ADARB1: variants seen among roughly 807,000 people sequenced by gnomAD.
ADARB1 encodes the protein adenosine deaminase RNA specific B1.
A neutral mutation model predicts 52.4 loss-of-function variants in ADARB1; 10 were observed. The ratio of observed to expected loss-of-function variants is 0.19; its 90% CI spans 0.12 to 0.32. The LOEUF (loss-of-function observed/expected upper bound fraction) is 0.32. Ranked by LOEUF, ADARB1 falls within the 10% of genes least tolerant of loss-of-function variation. The pLI is 1.00. For missense variants in ADARB1, 643 were observed against 922.3 expected, an observed-to-expected ratio of 0.70 and a Z score of 3.92; for synonymous variants, 349 against 371.1, an observed-to-expected ratio of 0.94 and a Z score of 0.68.
chr21:45,120,454 G>C lies in ADARB1; in HGVS notation c.-219-7948G>C, dbSNP rs146938675. Among the ~76,000 whole-genome samples, 531 of 152,322 alleles carry C rather than the reference G, an allele frequency of 3.5e-3. 2 individuals carry two copies. Among genetic ancestry groups the C allele is most frequent in the African/African-American group, 0.012 (499 of 41,582 alleles). On this transcript the variant is annotated intron_variant, in intron 1 of 10. Coordinates refer to ENST00000348831, the MANE Select transcript of ADARB1 (RefSeq NM_001112.4). ...GATTGAATGCCTGCTCTGGAGAGGA[G>C]TGTGAAGCTGCACTTCTTCCGTCTC... is the stretch of plus-strand genomic sequence containing the variant.
In ADARB1 at chr21:45,202,154, G is replaced by A. The variant is rs575135683; in HGVS notation, c.1566-2401G>A. Among the ~76,000 whole-genome samples, 315 of 152,312 alleles carry A rather than the reference G, an allele frequency of 2.1e-3. 2 individuals carry two copies. Among genetic ancestry groups the A allele is most frequent in the African/African-American group, 6.8e-3 (281 of 41,558 alleles). ...GGTCAAGAGGAGAGGGCTTGGGGCA[G>A]GCACCGGGTTCCCCTTAGGAGAGGG... On this transcript the variant is annotated intron_variant, in intron 8 of 10. Transcript: ENST00000348831.
chr21:45,096,410 CG>C (rs2086763580), intron 1 of ADARB1, among the ~76,000 whole-genome samples: 1 of 152,246 alleles, frequency 6.6e-6, no homozygotes, highest in South Asian at 2.1e-4. Flanking sequence ...CCAGCTGTGC[CG>C]GCCCTGCCTG....
chr21:45,172,952 G>A lies in ADARB1; in HGVS notation c.28+1268G>A, dbSNP rs2091546523. On this transcript the variant is annotated intron_variant, in intron 3 of 10. Coordinates refer to ENST00000348831, the MANE Select transcript of ADARB1 (RefSeq NM_001112.4). The surrounding 1 kb of genome is among the most constrained non-coding windows in gnomAD (Gnocchi z 4.4). ...CAAGTTTGTGACAAGTTTTAAGAGA[G>A]AGGTTACGTCCATACTCCTCATTTG... 6.6e-6 allele frequency among the ~76,000 whole-genome samples: 1 copy of A among 152,234 alleles called. No individual in the cohort carries two copies. Among genetic ancestry groups the A allele is most frequent in the South Asian group, 2.1e-4 (1 of 4,834 alleles).
chr21:45,106,530 G>A (rs2087265860), intron 1 of ADARB1, among the ~76,000 whole-genome samples: 1 of 152,140 alleles, frequency 6.6e-6, no homozygotes, highest in Non-Finnish European at 1.5e-5. Context: ...ACAGGCCTTG[G>A]GGCTTTTAGC....
intron 1 of ADARB1, among the ~76,000 whole-genome samples, chr21:45,122,687 C>T (rs2088273294): frequency 6.6e-6 from 1 of 152,140 alleles, no homozygotes; most frequent in African/African-American, 2.4e-5. Context: ...CCCCATCCAC[C>T]CTTTCAGGTG....
At chr21:45,119,489 T>A (rs1259186954) in intron 1 of ADARB1, among the ~76,000 whole-genome samples, 1 of 152,216 alleles carries the variant, frequency 6.6e-6, no homozygotes. Context: ...TATCAAAGAA[T>A]CGGGATGAAA....
intron 3 of ADARB1, among the ~76,000 whole-genome samples, chr21:45,175,372 G>A (rs1456044504): frequency 2.0e-5 from 3 of 151,990 alleles, no homozygotes; most frequent in African/African-American, 4.8e-5. Context: ...TTAATGTAAG[G>A]TCTTTCTGGA....
At position 45,090,571 on chromosome 21, in the gene ADARB1, T is replaced by C. The variant is rs550840834; in HGVS notation, c.-220+15778T>C. 8.0e-4 allele frequency among the ~76,000 whole-genome samples: 121 copies of C among 152,120 alleles called. 1 individual carries two copies. The highest frequency in any genetic ancestry group is 2.9e-3 in the African/African-American group (119 of 41,522). On this transcript the variant is annotated intron_variant, in intron 1 of 10. Transcript: ENST00000348831. Reference sequence around the variant, plus strand: ...TACAAAATTCCTGAAAATGTGACAGTCTTCTCTCATGAACAGGTATAAGTA... The same window carrying C: ...TACAAAATTCCTGAAAATGTGACAGCCTTCTCTCATGAACAGGTATAAGTA...
chr21:45,118,509 T>C (rs1282832057), intron 1 of ADARB1: 1 of 152,258 alleles, frequency 6.6e-6, no homozygotes, highest in East Asian at 1.9e-4. Flanking sequence ...TCTAGAATTC[T>C]AGGATCGTAT....
intron 7 of ADARB1, chr21:45,184,420 TTA>T (rs569712379): frequency 1.5e-3 from 292 of 196,282 alleles, no homozygotes; most frequent in South Asian, 6.2e-3. Context: ...TTTGTTTGTG[TTA>T]TGTCCTTCCT....
At chr21:45,078,686 A>T (rs1046839118) in intron 1 of ADARB1, among the ~76,000 whole-genome samples, 6 of 152,238 alleles carry the variant, frequency 3.9e-5, no homozygotes, top group African/African-American at 1.4e-4. Flanking sequence ...GGAGAGCTGC[A>T]TCTTGGAGCA....
chr21:45,131,817 T>TACA (rs902389265), intron 2 of ADARB1, among the ~76,000 whole-genome samples: 16 of 152,364 alleles, frequency 1.1e-4, no homozygotes, highest in African/African-American at 3.4e-4. Context: ...ATTCAAGGCT[T>TACA]ACACAGCGTG....
intron 1 of ADARB1, among the ~76,000 whole-genome samples, chr21:45,082,694 GAGTTTAATCT>G (rs1320674537): frequency 6.6e-6 from 1 of 152,154 alleles, no homozygotes; most frequent in Non-Finnish European, 1.5e-5. Flanking sequence ...ATGGTAAAGT[GAGTTTAATCT>G]AGTTTAATCC....
chr21:45,215,083 T>C (rs2146422668), intron 9 of ADARB1, among the ~76,000 whole-genome samples: 1 of 152,294 alleles, frequency 6.6e-6, no homozygotes, highest in East Asian at 1.9e-4. Flanking sequence ...GGTCTCACTC[T>C]TTCACCCAGG....
intron 2 of ADARB1, among the ~76,000 whole-genome samples, chr21:45,152,950 T>G (rs1234222205): frequency 6.6e-6 from 1 of 152,252 alleles, no homozygotes; most frequent in African/African-American, 2.4e-5. Flanking sequence ...CTTCAGAGTC[T>G]GGAGTATGTC....
In ADARB1 at chr21:45,176,966, C is replaced by G. The variant is rs1028222245; in HGVS notation, c.963+302C>G. On this transcript the variant is annotated intron_variant, in intron 4 of 10. Coordinates refer to ENST00000348831, the MANE Select transcript of ADARB1 (RefSeq NM_001112.4). The surrounding 1 kb of genome is among the most constrained non-coding windows in gnomAD (Gnocchi z 5.8). Reference sequence around the variant, plus strand: ...ACTCCCTTCCCGTTAGGCAACCCCCCCCATGACCCTCATCCCACAGCAAGC... The same window carrying G: ...ACTCCCTTCCCGTTAGGCAACCCCCGCCATGACCCTCATCCCACAGCAAGC... 1.0e-4 allele frequency: 33 copies of G among 315,500 alleles called. No individual in the cohort carries two copies. The highest frequency in any genetic ancestry group is 1.8e-4 in the Non-Finnish European group (31 of 171,650). The allele number at this position is 315,500 out of a possible 1,614,324, so 19.5% of individuals were successfully genotyped here.
chr21:45,091,423 T>C lies in ADARB1; in HGVS notation c.-220+16630T>C, dbSNP rs967519473. On this transcript the variant is annotated intron_variant, in intron 1 of 10. Transcript: ENST00000348831. ...AGAAAGGTTAATGATGAAAGTGTTG[T>C]AATACTACAGTTTGGTGAAATGGCA... Among the ~76,000 whole-genome samples the C allele has an allele frequency of 2.6e-5, 4 of 152,238 alleles. No homozygotes were observed. In the East Asian group the frequency reaches 5.8e-4, roughly 22 times the overall value.
At chr21:45,154,364 T>C (rs1429257771) in intron 2 of ADARB1, among the ~76,000 whole-genome samples, 1 of 152,218 alleles carries the variant, frequency 6.6e-6, no homozygotes, top group African/African-American at 2.4e-5. Context: ...TCTTTGAAAC[T>C]AATAAAAATA....
rs2088699648 is a variant in ADARB1 at position 45,128,024 on chromosome 21, C to T, written c.-219-378C>T. 6.6e-6 allele frequency among the ~76,000 whole-genome samples: 1 copy of T among 152,162 alleles called. No individual in the cohort carries two copies. Among genetic ancestry groups the T allele is most frequent in the Non-Finnish European group, 1.5e-5 (1 of 68,022 alleles). Reference sequence around the variant, plus strand: ...TGGTGCGTCTCTGTATCTGGACTCACATTCACATGTGTGCATGTGTAGGGG... The same window carrying T: ...TGGTGCGTCTCTGTATCTGGACTCATATTCACATGTGTGCATGTGTAGGGG... On this transcript the variant is annotated intron_variant, in intron 1 of 10. Coordinates refer to ENST00000348831, the MANE Select transcript of ADARB1 (RefSeq NM_001112.4). The surrounding 1 kb of genome is among the most constrained non-coding windows in gnomAD (Gnocchi z 4.6).
Sources: gnomAD v4.1 joint callset for allele counts (sites outside exome capture counted in the v4.1 genomes callset) on GRCh38, gnomAD v4.1.1 for gene constraint, Gnocchi (gnomAD v3.1) non-coding constraint, MANE v1.5 for transcripts, NCBI Gene and HGNC (gene_info 2026-07-23, HGNC 2026-07-21) for gene names.